COL6A6: variants seen among roughly 807,000 people sequenced by gnomAD.
The protein encoded by COL6A6 is collagen type VI alpha 6 chain, also known as collagen alpha-6(VI) chain.
COL6A6 carries 183 observed loss-of-function variants against 208.6 expected under a neutral mutation model. The observed-to-expected ratio is 0.88, with a 90% CI of 0.78 to 0.99. The LOEUF is 0.99. Ranked by LOEUF, COL6A6 falls within the 50% of genes least tolerant of loss-of-function variation. The probability of loss-of-function intolerance (pLI) is 0.00; values close to 1 mark genes in which losing one functional copy is unlikely to be tolerated. For missense variants in COL6A6, 2,816 were observed against 2,815.2 expected (o/e 1.00, Z -0.01); for synonymous variants, 973 against 1,011.8 (o/e 0.96, Z 0.73).
intron 20 of COL6A6, among the ~76,000 whole-genome samples, chr3:130,600,451 A>G (rs1402174542): frequency 6.6e-6 from 1 of 152,232 alleles, no homozygotes; most frequent in Admixed American, 6.5e-5. Context: ...AATAGCAAAG[A>G]CATGGCACCA....
intron 25 of COL6A6, among the ~76,000 whole-genome samples, chr3:130,626,866 C>T (rs2064904869): frequency 6.6e-6 from 1 of 152,172 alleles, no homozygotes; most frequent in African/African-American, 2.4e-5. Context: ...GAAACCCATT[C>T]CATCCTTCCC....
chr3:130,589,524 A>G (rs1485385302), intron 12 of COL6A6, among the ~76,000 whole-genome samples: 1 of 152,214 alleles, frequency 6.6e-6, no homozygotes, highest in African/African-American at 2.4e-5. Context: ...GCATTTCAGC[A>G]TTCATTTTTA....
At position 130,645,729 on chromosome 3, in the gene COL6A6, A is replaced by G. The variant is rs1210724099; in HGVS notation, c.5239+727A>G. Among the ~76,000 whole-genome samples the G allele has an allele frequency of 3.3e-5, 5 of 152,374 alleles. No homozygotes were observed. The East Asian group carries it at 9.6e-4, about 29-fold the overall frequency. On this transcript the variant is annotated intron_variant, in intron 32 of 36. Coordinates refer to ENST00000358511, the MANE Select transcript of COL6A6 (RefSeq NM_001102608.3). ...TGGAATGTGCAACTCAGATAATGCC[A>G]GAATCCATGGAGCTCATGCCTAATG...
At chr3:130,651,034 G>T (rs1357268233) in intron 33 of COL6A6, among the ~76,000 whole-genome samples, 1 of 152,176 alleles carries the variant, frequency 6.6e-6, no homozygotes, top group East Asian at 1.9e-4. Flanking sequence ...TTTCTCATCT[G>T]TAAAATATGG....
At chr3:130,650,190 C>T (rs1407770274) in intron 33 of COL6A6, among the ~76,000 whole-genome samples, 2 of 152,146 alleles carry the variant, frequency 1.3e-5, no homozygotes, top group African/African-American at 4.8e-5. Context: ...AGTGGCAGGG[C>T]TTCATCACTG....
At chr3:130,627,802 A>G (rs1381874732) in intron 26 of COL6A6, among the ~76,000 whole-genome samples, 2 of 152,250 alleles carry the variant, frequency 1.3e-5, no homozygotes, top group Non-Finnish European at 2.9e-5. Context: ...AAAACTGTAT[A>G]TCAGAAGAGT....
intron 1 of COL6A6, among the ~76,000 whole-genome samples, chr3:130,546,570 C>G (rs1297037914): frequency 1.3e-5 from 2 of 152,212 alleles, no homozygotes; most frequent in African/African-American, 4.8e-5. Flanking sequence ...CCACATCCTG[C>G]TGATTGGCCC....
chr3:130,555,496 C>G (rs572338122), intron 1 of COL6A6, among the ~76,000 whole-genome samples: 1 of 152,316 alleles, frequency 6.6e-6, no homozygotes, highest in East Asian at 1.9e-4. Flanking sequence ...TACGGCTAGT[C>G]TGCCATCTTG....
chr3:130,587,299 C>T (rs1406561967), intron 11 of COL6A6, among the ~76,000 whole-genome samples: 3 of 152,174 alleles, frequency 2.0e-5, no homozygotes, highest in African/African-American at 7.2e-5. Context: ...CTTGCTCTAT[C>T]GCCCAGGCTG....
At chr3:130,624,663 C>T (rs948017996) in intron 24 of COL6A6, among the ~76,000 whole-genome samples, 8 of 151,860 alleles carry the variant, frequency 5.3e-5, no homozygotes, top group South Asian at 2.1e-4. Flanking sequence ...TAGAGGTGGC[C>T]GTGGGGAAGT....
chr3:130,645,115 C>A, intron 32 of COL6A6, 113 bp downstream of exon 32: 1 of 993,488 alleles, frequency 1.0e-6, no homozygotes, highest in Non-Finnish European at 1.6e-6. Context: ...TTTATCTGGG[C>A]TTTCTTTGCT....
At chr3:130,661,142 G>A (rs577093710) in intron 34 of COL6A6, among the ~76,000 whole-genome samples, 82 of 152,198 alleles carry the variant, frequency 5.4e-4, no homozygotes, top group South Asian at 1.9e-3. Context: ...TGTCCTTAAG[G>A]ATCACTCATA....
chr3:130,602,013 A>G (rs571308706), intron 20 of COL6A6, among the ~76,000 whole-genome samples: 17 of 152,318 alleles, frequency 1.1e-4, no homozygotes, highest in Admixed American at 3.3e-4. Flanking sequence ...GGAGCAGGGA[A>G]TATACACATA....
intron 8 of COL6A6, among the ~76,000 whole-genome samples, chr3:130,577,554 T>C (rs1042360129): frequency 7.9e-5 from 12 of 152,186 alleles, no homozygotes; most frequent in Admixed American, 4.6e-4. Flanking sequence ...CATAACCTAG[T>C]AGTAGAACTA....
chr3:130,589,292 A>T, intron 12 of COL6A6, 110 bp downstream of exon 12: 2 of 664,158 alleles, frequency 3.0e-6, no homozygotes, highest in Non-Finnish European at 5.3e-6. Flanking sequence ...AGCCTCTTAT[A>T]TAAGAGTTTA....
intron 12 of COL6A6, among the ~76,000 whole-genome samples, chr3:130,589,659 C>G (rs2063627347): frequency 6.6e-6 from 1 of 152,110 alleles, no homozygotes. Flanking sequence ...TAAGCCAGGT[C>G]AAAATGTTAT....
intron 1 of COL6A6, among the ~76,000 whole-genome samples, chr3:130,541,474 A>T (rs1380880347): frequency 1.3e-5 from 2 of 152,362 alleles, no homozygotes; most frequent in East Asian, 3.9e-4. Flanking sequence ...TTGTGTGGAC[A>T]TAAGTTTTCA....
chr3:130,567,168 T>C lies in COL6A6; in HGVS notation c.1749T>C (p.Ile583=), dbSNP rs1577724106. 8.1e-6 allele frequency: 13 copies of C among 1,613,778 alleles called. No homozygotes were observed. Among genetic ancestry groups the C allele is most frequent in the East Asian group, 2.2e-5 (1 of 44,882 alleles). Residue 583 remains isoleucine, a synonymous_variant, in exon 5 of 37, where the codon ATT becomes ATC. Transcript: ENST00000358511. ...KEANQTQLRE[I]AGEEKRVYYV... ...CCAACCAAACACAGCTGAGAGAAAT[T>C]GCAGGAGAGGAAAAGAGAGTGTATT...
At chr3:130,595,171 C>T (rs2063818807) in intron 18 of COL6A6, among the ~76,000 whole-genome samples, 1 of 151,190 alleles carries the variant, frequency 6.6e-6, no homozygotes, top group Non-Finnish European at 1.5e-5. Context: ...GCTGAGTAGG[C>T]AGGACCCATG....
Sources: gnomAD v4.1 joint callset for allele counts (sites outside exome capture counted in the v4.1 genomes callset) on GRCh38, gnomAD v4.1.1 for gene constraint, MANE v1.5 for transcripts, NCBI Gene and HGNC (gene_info 2026-07-23, HGNC 2026-07-21) for gene names.